WSCD1: variants seen among roughly 807,000 people sequenced by gnomAD.
The protein encoded by WSCD1 is WSC domain sialate O sulfotransferase 1, also known as sialate:O-sulfotransferase 1.
In WSCD1, 41 loss-of-function variants were observed where a neutral mutation model predicts 60.4. That is an observed-to-expected ratio of 0.68 (90% CI 0.53 to 0.88). WSCD1 has a LOEUF of 0.88. WSCD1 is among the 40% of genes least tolerant of loss of function. The pLI, the probability that WSCD1 is intolerant of heterozygous loss-of-function variation, is 0.00. For synonymous variants in WSCD1, 361 were observed against 332.5 expected, an observed-to-expected ratio of 1.09 and a Z score of -0.93; for missense variants, 784 against 796.2, an observed-to-expected ratio of 0.98 and a Z score of 0.18.
At position 6,080,938 on chromosome 17, in the gene WSCD1, C is replaced by T. The variant is rs760071786; in HGVS notation, c.280C>T (p.Arg94Trp). ...GGACATGCTGCAGAGCCCCCTGACC[C>T]GGCCCCGGCCCGGCCCCCGCTGGCT... ...GVDMLQSPLTRPRPGPRWLRS... is the reference protein window; with the variant it reads ...GVDMLQSPLTWPRPGPRWLRS... The change falls in exon 2 of 9, where the codon CGG becomes TGG. Residue 94 changes from arginine to tryptophan, a missense_variant. Arg to Trp is a moderately radical substitution (Grantham distance 101, BLOSUM62 -3). Transcript: ENST00000317744. This position sits in a 1 kb window ranked among gnomAD's most constrained non-coding sequence, Gnocchi z 6.6. 70 of 1,571,520 alleles carry T rather than the reference C, an allele frequency of 4.5e-5. No individual in the cohort carries two copies. Among genetic ancestry groups the T allele is most frequent in the South Asian group, 8.1e-5 (7 of 86,522 alleles).
chr17:6,120,625 C>T lies in WSCD1; in HGVS notation c.1692C>T (p.Asn564=), dbSNP rs1359555772. 6.2e-7 allele frequency: 1 copy of T among 1,613,102 alleles called. No individual in the cohort carries two copies. The highest frequency in any genetic ancestry group is 2.2e-5 in the East Asian group (1 of 44,880). ...RTVDQALRDH[N]WTGLPREYVP... The stretch of plus-strand genomic sequence containing the variant: ...TGGACCAAGCCCTGCGTGACCACAA[C>T]TGGACGGGGCTGCCCAGGGAGTATG... The change falls in exon 9 of 9, where the codon AAC becomes AAT. Residue 564 remains asparagine (N), a synonymous_variant. Transcript: ENST00000317744.
intron 1 of WSCD1, among the ~76,000 whole-genome samples, chr17:6,072,183 T>G (rs1597347038): frequency 6.6e-6 from 1 of 152,224 alleles, no homozygotes; most frequent in Non-Finnish European, 1.5e-5. Context: ...GCATGTCTGG[T>G]TGGAAGTGAA....
chr17:6,085,851 G>T (rs991388239), intron 2 of WSCD1, among the ~76,000 whole-genome samples: 1 of 152,168 alleles, frequency 6.6e-6, no homozygotes, highest in Non-Finnish European at 1.5e-5. Flanking sequence ...TCACTGACCC[G>T]GGTGAAAGCT....
At chr17:6,079,096 G>A (rs545917809) in intron 1 of WSCD1, among the ~76,000 whole-genome samples, 5 of 152,304 alleles carry the variant, frequency 3.3e-5, no homozygotes, top group African/African-American at 1.2e-4. Flanking sequence ...GGAACCTGGC[G>A]GCCCTCGCCA....
In WSCD1 at chr17:6,081,098, C is replaced by G; in HGVS notation, c.427+13C>G. 6.5e-7 allele frequency: 1 copy of G among 1,529,744 alleles called. No individual in the cohort carries two copies. The highest frequency in any genetic ancestry group is 2.0e-5 in the Admixed American group (1 of 49,158). 94.8% of individuals were successfully genotyped at this position (1,529,744 alleles called of 1,614,324 possible). A position where few individuals can be genotyped will look rare whatever the true frequency, so the allele number is the denominator to read the frequency against. On this transcript the variant is annotated intron_variant, in intron 2 of 8. Coordinates refer to ENST00000317744, the MANE Select transcript of WSCD1 (RefSeq NM_015253.2). ...ATCCACAGCCGAGGTAGGCGCTCAG[C>G]TGCATTTGGGGGAGCTGTTCCCAGG... is the stretch of plus-strand genomic sequence containing the variant.
intron 7 of WSCD1, among the ~76,000 whole-genome samples, chr17:6,116,930 G>C: frequency 6.6e-6 from 1 of 152,216 alleles, no homozygotes; most frequent in East Asian, 1.9e-4. Context: ...CAGGAGACTA[G>C]TTTCAGGAGA....
intron 4 of WSCD1, among the ~76,000 whole-genome samples, chr17:6,093,326 C>T (rs770920310): frequency 2.0e-5 from 3 of 152,258 alleles, no homozygotes; most frequent in South Asian, 2.1e-4. Context: ...TCGCTCACCA[C>T]GTAGTGGGCA....
upstream of WSCD1, among the ~76,000 whole-genome samples, chr17:6,069,650 A>T (rs1373893339): frequency 6.6e-6 from 1 of 151,754 alleles, no homozygotes; most frequent in East Asian, 1.9e-4. Flanking sequence ...TAGGGCTGCA[A>T]TTCTGTGTAG....
At chr17:6,089,375 A>C (rs773657292) in intron 3 of WSCD1, among the ~76,000 whole-genome samples, 1 of 152,206 alleles carries the variant, frequency 6.6e-6, no homozygotes, top group Non-Finnish European at 1.5e-5. Context: ...TGGGCTTTTC[A>C]CATCTAAATC....
At chr17:6,077,411 C>T (rs934353854) in intron 1 of WSCD1, among the ~76,000 whole-genome samples, 7 of 152,132 alleles carry the variant, frequency 4.6e-5, no homozygotes, top group African/African-American at 1.4e-4. Flanking sequence ...ACCAGTCTAC[C>T]CGCAATGAGT....
At chr17:6,093,313 C>T (rs1157185113) in intron 4 of WSCD1, among the ~76,000 whole-genome samples, 5 of 152,226 alleles carry the variant, frequency 3.3e-5, no homozygotes, top group African/African-American at 9.6e-5. Flanking sequence ...TCAGTTCATT[C>T]GTTCGCTCAC....
chr17:6,106,645 C>T (rs894536343), intron 5 of WSCD1, among the ~76,000 whole-genome samples: 13 of 152,090 alleles, frequency 8.5e-5, no homozygotes, highest in Admixed American at 4.6e-4. Flanking sequence ...CCGGTGTCAC[C>T]GATGTGCTGC....
At chr17:6,076,570 G>A (rs1908876074) in intron 1 of WSCD1, among the ~76,000 whole-genome samples, 1 of 152,194 alleles carries the variant, frequency 6.6e-6, no homozygotes, top group Middle Eastern at 3.2e-3. Flanking sequence ...GAACAGAGTA[G>A]CGGAGGTTTC....
Position 6,110,834 on chromosome 17 carries a change from G to A in WSCD1, c.1073G>A (p.Ser358Asn). 6.2e-7 allele frequency: 1 copy of A among 1,614,018 alleles called. No homozygotes were observed. Among genetic ancestry groups the A allele is most frequent in the Non-Finnish European group, 8.5e-7 (1 of 1,179,930 alleles). Reference protein sequence around the residue: ...NKSKVFVALSSFPGAGNTWAR... With the variant: ...NKSKVFVALSNFPGAGNTWAR... ...TCCAAAGTGTTTGTGGCTTTGTCAA[G>A]CTTCCCAGGAGCCGGGAACACATGG... Residue 358 changes from serine to asparagine, a missense_variant, in exon 7 of 9, where the codon AGC (serine) becomes AAC (asparagine). By Grantham distance (46) the Ser-to-Asn change is conservative. Transcript: ENST00000317744. This position sits in a 1 kb window ranked among gnomAD's most constrained non-coding sequence, Gnocchi z 4.8.
At chr17:6,097,187 G>C (rs777986380) in intron 5 of WSCD1, among the ~76,000 whole-genome samples, 1 of 152,260 alleles carries the variant, frequency 6.6e-6, no homozygotes, top group African/African-American at 2.4e-5. Flanking sequence ...GCCATTCGGC[G>C]TTATGGAAGG....
Position 6,110,224 on chromosome 17 carries a change from G to A in WSCD1, c.1009+458G>A, listed in dbSNP as rs1330243138. The stretch of plus-strand genomic sequence containing the variant: ...ATGAAAGGAAGAGCCGGGGACGAGG[G>A]ATGTTACCACCTTTATCAAGTGCCT... On this transcript the variant is annotated intron_variant, in intron 6 of 8. Transcript: ENST00000317744. This position sits in a 1 kb window ranked among gnomAD's most constrained non-coding sequence, Gnocchi z 4.8. Among the ~76,000 whole-genome samples, 1 of 152,148 alleles carries A rather than the reference G, an allele frequency of 6.6e-6. No homozygotes were observed. The highest frequency in any genetic ancestry group is 2.4e-5 in the African/African-American group (1 of 41,432).
rs1376629930 is a variant in WSCD1 at position 6,075,382 on chromosome 17, C to T, written c.-289+4730C>T. Among the ~76,000 whole-genome samples, 1 of 152,112 alleles carries T rather than the reference C, an allele frequency of 6.6e-6. No individual in the cohort carries two copies. Among genetic ancestry groups the T allele is most frequent in the African/African-American group, 2.4e-5 (1 of 41,406 alleles). On this transcript the variant is annotated intron_variant, in intron 1 of 8. Transcript: ENST00000317744. The surrounding 1 kb of genome is among the most constrained non-coding windows in gnomAD (Gnocchi z 4.1). ...CGAGTTCTATCTTGCAGCCCCCAGC[C>T]CCAGGGACTGCCTCCTCTCCTCTCC... is the stretch of plus-strand genomic sequence containing the variant.
At chr17:6,111,037 C>T (rs1412634590) in intron 7 of WSCD1, 102 bp downstream of exon 7, 2 of 1,427,176 alleles carry the variant, frequency 1.4e-6, no homozygotes, top group Non-Finnish European at 1.9e-6. Context: ...GCATCTCAAA[C>T]TTGAGTGTAC....
At chr17:6,076,792 T>C (rs4387637) in intron 1 of WSCD1, among the ~76,000 whole-genome samples, 77,791 of 152,086 alleles carry the variant, frequency 0.51, 20,772 homozygotes, top group Non-Finnish European at 0.59. Flanking sequence ...ACCCCAGGTG[T>C]TGGCCGGTTG....
Sources: allele counts gnomAD v4.1 joint callset (sites outside exome capture counted in the v4.1 genomes callset), GRCh38; gene constraint gnomAD v4.1.1; non-coding constraint Gnocchi (gnomAD v3.1); transcripts MANE v1.5; gene names NCBI Gene and HGNC (gene_info 2026-07-23, HGNC 2026-07-21).